The following EPHB2 variants were observed in gnomAD, a reference collection of about 807,000 sequenced individuals.
EPHB2 encodes the protein ephrin type-B receptor 2.
In EPHB2, 18 loss-of-function variants were observed where a neutral mutation model predicts 96.4. The observed-to-expected ratio is 0.19, with a 90% CI of 0.13 to 0.28. The LOEUF (loss-of-function observed/expected upper bound fraction) is 0.28, where lower values mean the gene tolerates loss of function less well. Among genes scored for constraint, EPHB2 ranks in the 10% least tolerant of loss-of-function variants. The pLI, the probability that EPHB2 is intolerant of heterozygous loss-of-function variation, is 1.00. For synonymous variants in EPHB2, 506 were observed against 534.1 expected, an observed-to-expected ratio of 0.95 and a Z score of 0.72; for missense variants, 989 against 1,355.4, an observed-to-expected ratio of 0.73 and a Z score of 4.25.
chr1:22,896,452 A>G lies in EPHB2; in HGVS notation c.1739A>G (p.Lys580Arg). The part of the protein sequence containing the change: ...FERADSEYTD[K>R]LQHYTSGHMT... ...CGTGCTGACTCGGAGTACACGGACA[A>G]GCTGCAACACTACACCAGTGGCCAC... Residue 580 changes from lysine (K) to arginine (R), a missense_variant, in exon 9 of 16, where the codon AAG (lysine) becomes AGG (arginine). Transcript: ENST00000374630. 6.2e-7 allele frequency: 1 copy of G among 1,614,138 alleles called. No individual in the cohort carries two copies. The highest frequency in any genetic ancestry group is 2.2e-5 in the East Asian group (1 of 44,868).
At chr1:22,762,784 T>A (rs1196056048) in intron 1 of EPHB2, among the ~76,000 whole-genome samples, 3 of 152,190 alleles carry the variant, frequency 2.0e-5, no homozygotes, top group Non-Finnish European at 4.4e-5. Context: ...TTATCATGAT[T>A]TTCTGTGAAA....
intron 1 of EPHB2, among the ~76,000 whole-genome samples, chr1:22,734,386 A>G (rs527317818): frequency 4.6e-5 from 7 of 150,986 alleles, no homozygotes; most frequent in Non-Finnish European, 7.4e-5. Context: ...CCAGAGATAT[A>G]TACACTCAAT....
chr1:22,756,578 G>T (rs879297294), intron 1 of EPHB2, among the ~76,000 whole-genome samples: 2 of 152,192 alleles, frequency 1.3e-5, no homozygotes, highest in Admixed American at 1.3e-4. Flanking sequence ...AGGTGTGGGG[G>T]AAGTGGCGGG....
chr1:22,889,818 A>G (rs574584167), intron 6 of EPHB2, among the ~76,000 whole-genome samples: 1 of 152,356 alleles, frequency 6.6e-6, no homozygotes, highest in Non-Finnish European at 1.5e-5. Context: ...AATAGAAGAC[A>G]CATGATTACA....
intron 1 of EPHB2, among the ~76,000 whole-genome samples, chr1:22,723,033 G>A (rs1643501497): frequency 6.6e-6 from 1 of 152,354 alleles, no homozygotes; most frequent in African/African-American, 2.4e-5. Flanking sequence ...CCAAGCACTG[G>A]GGCGGGGTGC....
intron 3 of EPHB2, 122 bp from the exon 4 acceptor site, chr1:22,862,915 C>T: frequency 7.7e-7 from 1 of 1,294,904 alleles, no homozygotes; most frequent in Non-Finnish European, 1.1e-6. Context: ...TGAGATTTTC[C>T]AGCAGTGGTG....
rs1485533676 is a variant in EPHB2, at chr1:22,858,114, G to A, written c.812-4923G>A. On this transcript the variant is annotated intron_variant, in intron 3 of 15. Coordinates refer to ENST00000374630, the MANE Select transcript of EPHB2 (RefSeq NM_017449.5). This position sits in a 1 kb window ranked among gnomAD's most constrained non-coding sequence, Gnocchi z 7.7. ...AAGCTGGGGTCTGAAGGAGGAAAAG[G>A]AGCCAGCGACGGGAAGAGCAGGGAA... is the stretch of plus-strand genomic sequence containing the variant. Among the ~76,000 whole-genome samples the A allele has an allele frequency of 1.3e-5, 2 of 152,164 alleles. No homozygotes were observed. The highest frequency in any genetic ancestry group is 2.9e-5 in the Non-Finnish European group (2 of 68,032).
intron 1 of EPHB2, among the ~76,000 whole-genome samples, chr1:22,763,347 G>A (rs191109332): frequency 6.6e-6 from 1 of 152,260 alleles, no homozygotes. Context: ...GTGCCCCTGA[G>A]AGCACCAGCC....
chr1:22,838,764 TA>T (rs955222714), intron 3 of EPHB2, among the ~76,000 whole-genome samples: 22 of 151,520 alleles, frequency 1.5e-4, no homozygotes, highest in African/African-American at 5.1e-4. Flanking sequence ...CCGTCTCTAC[TA>T]AAAAAAATAC....
At chr1:22,895,144 G>A (rs1337240856) in intron 7 of EPHB2, among the ~76,000 whole-genome samples, 4 of 152,218 alleles carry the variant, frequency 2.6e-5, no homozygotes, top group African/African-American at 9.6e-5. Flanking sequence ...AACCCGGAGA[G>A]TCTGTCTCCA....
At chr1:22,853,711 G>A (rs1000009600) in intron 3 of EPHB2, among the ~76,000 whole-genome samples, 1 of 152,274 alleles carries the variant, frequency 6.6e-6, no homozygotes. Context: ...AACTGGCAGT[G>A]CCTGCGGTGG....
chr1:22,845,460 G>A (rs1303254206), intron 3 of EPHB2, among the ~76,000 whole-genome samples: 1 of 152,182 alleles, frequency 6.6e-6, no homozygotes, highest in Non-Finnish European at 1.5e-5. Flanking sequence ...CCCTCACTTG[G>A]TGACAGTGTG....
rs181932942 is a variant in EPHB2, at chr1:22,871,885, G to A, written c.1303+6673G>A. Among the ~76,000 whole-genome samples the A allele has an allele frequency of 9.2e-5, 14 of 152,080 alleles. No individual in the cohort carries two copies. In the East Asian group the frequency reaches 1.9e-3, roughly 21 times the overall value. The stretch of plus-strand genomic sequence containing the variant: ...ACAAAAATTAGCTGGGCATGGTGGC[G>A]CACACCTGTCATCCCAGCTACTCAG... On this transcript the variant is annotated intron_variant, in intron 5 of 15. Coordinates refer to ENST00000374630, the MANE Select transcript of EPHB2 (RefSeq NM_017449.5).
At chr1:22,859,687 G>A (rs1029285454) in intron 3 of EPHB2, among the ~76,000 whole-genome samples, 2 of 152,080 alleles carry the variant, frequency 1.3e-5, no homozygotes, top group African/African-American at 4.8e-5. Flanking sequence ...CAGCTACTCG[G>A]GAGGCTGAGG....
intron 3 of EPHB2, among the ~76,000 whole-genome samples, chr1:22,853,191 A>G (rs994585475): frequency 2.0e-5 from 3 of 152,256 alleles, no homozygotes; most frequent in African/African-American, 4.8e-5. Context: ...TCTACTAAAA[A>G]TATGATAAAA....
At position 22,799,147 on chromosome 1, in the gene EPHB2, TC is replaced by T. The variant is rs1644807434; in HGVS notation, c.811+14075del. On this transcript the variant is annotated intron_variant, in intron 3 of 15. Transcript: ENST00000374630. ...AGTTCTGGGACCCCAGCAGAGCACT[TC>T]CCCTCGCTCCTCCCTCCTGTGGAGC... 4.6e-5 allele frequency among the ~76,000 whole-genome samples: 7 copies of T among 152,096 alleles called. No homozygotes were observed. The South Asian group carries it at 1.4e-3, about 31-fold the overall frequency.
rs1030445520 is a variant in EPHB2, at chr1:22,919,167, C to G, written c.*5597C>G. 6.6e-6 allele frequency: 1 copy of G among 152,274 alleles called. No individual in the cohort carries two copies. Among genetic ancestry groups the G allele is most frequent in the Non-Finnish European group, 1.5e-5 (1 of 68,062 alleles). The allele number at this position is 152,274 out of a possible 1,614,324, so 9.4% of individuals were successfully genotyped here. On this transcript the variant is annotated 3_prime_UTR_variant, in exon 16 of 16. Transcript: ENST00000374630. The stretch of plus-strand genomic sequence containing the variant: ...CAGACATGGAAATCCTCACTTGACT[C>G]TTCCCCCATAACAAACTGCCCTGAT...
chr1:22,890,319 A>G (rs1446674481), intron 6 of EPHB2, among the ~76,000 whole-genome samples: 2 of 152,108 alleles, frequency 1.3e-5, no homozygotes, highest in African/African-American at 4.8e-5. Flanking sequence ...GATGTCAAGG[A>G]GGCTTCCTGG....
chr1:22,740,457 C>T lies in EPHB2; in HGVS notation c.61+29414C>T, dbSNP rs376935272. Among the ~76,000 whole-genome samples, 112 of 152,288 alleles carry T rather than the reference C, an allele frequency of 7.4e-4. 2 individuals are homozygous for T. The South Asian group carries it at 0.021, about 29-fold the overall frequency. On this transcript the variant is annotated intron_variant, in intron 1 of 15. Transcript: ENST00000374630. Reference sequence around the variant, plus strand: ...CTCACAATCCTTAAAAGGTGAGACCCGTGGCCCTGGGGTCCTGCGGTCTGG... The same window carrying T: ...CTCACAATCCTTAAAAGGTGAGACCTGTGGCCCTGGGGTCCTGCGGTCTGG...
Sources: gnomAD v4.1 joint callset for allele counts (sites outside exome capture counted in the v4.1 genomes callset) on GRCh38, gnomAD v4.1.1 for gene constraint, Gnocchi (gnomAD v3.1) non-coding constraint, MANE v1.5 for transcripts, NCBI Gene and HGNC (gene_info 2026-07-23, HGNC 2026-07-21) for gene names.